Variants in PAPSS2 observed in about 807,000 individuals in gnomAD.
PAPSS2 encodes the protein 3'-phosphoadenosine 5'-phosphosulfate synthase 2.
PAPSS2 carries 61 observed loss-of-function variants against 66.5 expected under a neutral mutation model. The observed-to-expected ratio is 0.92, with a 90% CI of 0.75 to 1.14. The LOEUF (loss-of-function observed/expected upper bound fraction) is 1.14, where lower values mean the gene tolerates loss of function less well. Ranked by LOEUF, PAPSS2 falls within the 50% of genes most tolerant of loss-of-function variation. The probability of loss-of-function intolerance (pLI) is 0.00; values close to 1 mark genes in which losing one functional copy is unlikely to be tolerated. For synonymous variants in PAPSS2, 289 were observed against 287.5 expected (o/e 1.01, Z -0.05); for missense variants, 708 against 789.6 (o/e 0.90, Z 1.24).
At chr10:87,716,964 C>T (rs1462026822) in intron 7 of PAPSS2, among the ~76,000 whole-genome samples, 2 of 152,102 alleles carry the variant, frequency 1.3e-5, no homozygotes, top group African/African-American at 4.8e-5. Context: ...AATTATTATC[C>T]CACTTTACAG....
chr10:87,723,086 G>T (rs1166548966), intron 8 of PAPSS2, among the ~76,000 whole-genome samples: 1 of 152,198 alleles, frequency 6.6e-6, no homozygotes, highest in East Asian at 1.9e-4. Flanking sequence ...CGTTACAGAC[G>T]TGTTGCAGGC....
chr10:87,696,650 A>G (rs207471246), intron 1 of PAPSS2, among the ~76,000 whole-genome samples: 1 of 152,228 alleles, frequency 6.6e-6, no homozygotes, highest in African/African-American at 2.4e-5. Context: ...GATTTCTCAT[A>G]TAACTCCAAG....
Position 87,745,012 on chromosome 10 carries a change from A to G in PAPSS2, c.1502A>G (p.His501Arg). 2 of 1,614,008 alleles carry G rather than the reference A, an allele frequency of 1.2e-6. No homozygotes were observed. Among genetic ancestry groups the G allele is most frequent in the Non-Finnish European group, 1.7e-6 (2 of 1,179,902 alleles). Residue 501 changes from histidine to arginine, a missense_variant, in exon 12 of 13, where the codon CAC becomes CGC. Coordinates refer to ENST00000456849, the MANE Select transcript of PAPSS2 (RefSeq NM_001015880.2). The stretch of plus-strand genomic sequence containing the variant: ...ATGGACATTTTCTAGGTCCAGTGGC[A>G]CTGCAGGTCCCGGATGATTGCGGGT... The part of the protein sequence containing the change: ...LYAGPTEVQW[H>R]CRSRMIAGAN...
intron 12 of PAPSS2, 111 bp downstream of exon 12, chr10:87,745,342 G>GGACT: frequency 1.2e-6 from 1 of 831,986 alleles, no homozygotes; most frequent in South Asian, 1.5e-5. Context: ...GCTCCCAAGT[G>GGACT]GACTGAGTCC....
chr10:87,721,764 C>T lies in PAPSS2; in HGVS notation c.874C>T (p.Leu292Phe). 1 of 1,524,964 alleles carries T rather than the reference C, an allele frequency of 6.6e-7. No homozygotes were observed. The highest frequency in any genetic ancestry group is 1.2e-5 in the South Asian group (1 of 81,048). 94.5% of individuals were successfully genotyped at this position (1,524,964 alleles called of 1,614,324 possible). Residue 292 changes from leucine to phenylalanine, a missense_variant, in exon 8 of 13, where the codon CTT becomes TTT. Coordinates refer to ENST00000456849, the MANE Select transcript of PAPSS2 (RefSeq NM_001015880.2). ...TGTTTATATTTCCCTAGGCATGGCC[C>T]TTCCTGGTATGTACTTTAACTTTCC... is the stretch of plus-strand genomic sequence containing the variant. ...HFDTLLDGMA[L>F]PDGVINMSIP...
chr10:87,737,899 C>G (rs1443790146), intron 9 of PAPSS2, among the ~76,000 whole-genome samples: 1 of 152,180 alleles, frequency 6.6e-6, no homozygotes, highest in African/African-American at 2.4e-5. Flanking sequence ...ACTACCATTG[C>G]ACTCTCTGTT....
At chr10:87,689,437 G>A (rs1354160386) in intron 1 of PAPSS2, among the ~76,000 whole-genome samples, 6 of 151,692 alleles carry the variant, frequency 4.0e-5, no homozygotes, top group Non-Finnish European at 8.8e-5. Context: ...TTGGGAGGCC[G>A]AGGCAGGTGG....
chr10:87,713,043 C>A, intron 2 of PAPSS2, 32 bp from the exon 3 acceptor site: 1 of 1,188,426 alleles, frequency 8.4e-7, no homozygotes, highest in Non-Finnish European at 1.3e-6. Flanking sequence ...CTATCCAGGC[C>A]GATGTCAGTC....
At position 87,717,414 on chromosome 10, in the gene PAPSS2, C is replaced by T. The variant is rs183138467; in HGVS notation, c.865+1571C>T. Among the ~76,000 whole-genome samples, 16 of 152,238 alleles carry T rather than the reference C, an allele frequency of 1.1e-4. No homozygotes were observed. The East Asian group carries it at 3.1e-3, about 29-fold the overall frequency. The stretch of plus-strand genomic sequence containing the variant: ...TGCAGAGGTCAGTGTTAATGGAAAT[C>T]AGAGGTCCTTAGCCTGAGATCTAGG... On this transcript the variant is annotated intron_variant, in intron 7 of 12. Coordinates refer to ENST00000456849, the MANE Select transcript of PAPSS2 (RefSeq NM_001015880.2).
rs150079044 is a variant in PAPSS2 at position 87,706,108 on chromosome 10, ATGTGTGTG to A, written c.28-3062_28-3055del. ...GGTATATATATATATATATATATATATGTGTGTGTGTGTGTGTGTGTGTGTGTGTGTGT... is the reference window on the plus strand; with the variant it reads ...GGTATATATATATATATATATATATATGTGTGTGTGTGTGTGTGTGTGTGT... On this transcript the variant is annotated intron_variant, in intron 1 of 12. Coordinates refer to ENST00000456849, the MANE Select transcript of PAPSS2 (RefSeq NM_001015880.2). 7.1e-3 allele frequency among the ~76,000 whole-genome samples: 367 copies of A among 51,822 alleles called. 9 individuals carry two copies. Among genetic ancestry groups the A allele is most frequent in the African/African-American group, 0.011 (108 of 9,992 alleles). The allele number at this position is 51,822 out of a possible 152,430, so 34.0% of individuals were successfully genotyped here. A position where few individuals can be genotyped will look rare whatever the true frequency, so the allele number is the denominator to read the frequency against.
chr10:87,680,344 A>G (rs943531546), intron 1 of PAPSS2, among the ~76,000 whole-genome samples: 2 of 152,168 alleles, frequency 1.3e-5, no homozygotes, highest in African/African-American at 4.8e-5. Flanking sequence ...CTTTGCAAGT[A>G]TGAATTGAAA....
intron 9 of PAPSS2, among the ~76,000 whole-genome samples, chr10:87,730,612 G>GC (rs1181343096): frequency 6.6e-6 from 1 of 152,154 alleles, no homozygotes; most frequent in East Asian, 1.9e-4. Flanking sequence ...CAGATTTTTA[G>GC]CTATTTTTGT....
intron 6 of PAPSS2, 134 bp downstream of exon 6, chr10:87,715,232 C>G (rs1853518593): frequency 1.5e-6 from 1 of 682,478 alleles, no homozygotes; most frequent in African/African-American, 1.8e-5. Context: ...TCCTTTTTTT[C>G]CAAGTTATTT....
In PAPSS2 at chr10:87,709,208, A is replaced by G. The variant is rs1211184119; in HGVS notation, c.40A>G (p.Lys14Glu). Residue 14 changes from lysine to glutamate, a missense_variant, in exon 2 of 13, where the codon AAA (lysine) becomes GAA (glutamate). By Grantham distance (56) the Lys-to-Glu change is moderately conservative (BLOSUM62 1). Transcript: ENST00000456849. The stretch of plus-strand genomic sequence containing the variant: ...TCTTATTTTATAGGAGAACCAGCAG[A>G]AATCCACCAATGTAGTCTATCAGGC... ...IKKQKTENQQ[K>E]STNVVYQAHH... 3.7e-6 allele frequency: 6 copies of G among 1,611,656 alleles called. No individual in the cohort carries two copies. The South Asian group carries it at 6.6e-5, about 18-fold the overall frequency.
intron 1 of PAPSS2, among the ~76,000 whole-genome samples, chr10:87,707,260 A>G (rs988319839): frequency 1.3e-5 from 2 of 152,152 alleles, no homozygotes; most frequent in Non-Finnish European, 2.9e-5. Context: ...TCCCTAAAGA[A>G]ATTTATCAGC....
chr10:87,743,480 C>T lies in PAPSS2; in HGVS notation c.1330C>T (p.Leu444Phe), dbSNP rs1853897344. The T allele has an allele frequency of 2.5e-6, 4 of 1,614,056 alleles. No individual in the cohort carries two copies. In the South Asian group the frequency reaches 3.3e-5, roughly 13 times the overall value. Residue 444 changes from leucine (L) to phenylalanine (F), a missense_variant, in exon 11 of 13, where the codon CTC (leucine) becomes TTC (phenylalanine). Leu to Phe is a conservative substitution (Grantham distance 22). Transcript: ENST00000456849. ...AGAGAGGGGCTACAAGCACCCGGTC[C>T]TCCTACTACACCCTCTGGGCGGCTG... Reference protein sequence around the residue: ...LLERGYKHPVLLLHPLGGWTK... With the variant: ...LLERGYKHPVFLLHPLGGWTK...
intron 1 of PAPSS2, among the ~76,000 whole-genome samples, chr10:87,684,784 C>T (rs1156691045): frequency 1.3e-5 from 2 of 152,182 alleles, no homozygotes; most frequent in Admixed American, 6.5e-5. Flanking sequence ...ATTGAAGCTA[C>T]GAGTGGCTTT....
At chr10:87,663,311 C>T (rs903530345) in intron 1 of PAPSS2, among the ~76,000 whole-genome samples, 25 of 152,018 alleles carry the variant, frequency 1.6e-4, no homozygotes, top group African/African-American at 5.8e-4. Context: ...GGGGTTTTGC[C>T]ACGTTGGTCA....
chr10:87,692,001 A>T (rs1250035372), intron 1 of PAPSS2, among the ~76,000 whole-genome samples: 1 of 152,218 alleles, frequency 6.6e-6, no homozygotes, highest in African/African-American at 2.4e-5. Flanking sequence ...GAATGGCTTC[A>T]TGGAAGAGAG....
Sources: allele counts gnomAD v4.1 joint callset (sites outside exome capture counted in the v4.1 genomes callset), GRCh38; gene constraint gnomAD v4.1.1; transcripts MANE v1.5; gene names NCBI Gene and HGNC (gene_info 2026-07-23, HGNC 2026-07-21).